PDK1: variants seen among roughly 807,000 people sequenced by gnomAD.
PDK1 encodes the protein pyruvate dehydrogenase kinase 1.
PDK1 carries 39 observed loss-of-function variants against 54.2 expected under a neutral mutation model. That is an observed-to-expected ratio of 0.72 (90% CI 0.56 to 0.94). The LOEUF (loss-of-function observed/expected upper bound fraction) is 0.94, where lower values mean the gene tolerates loss of function less well. Ranked by LOEUF, PDK1 falls within the 40% of genes least tolerant of loss-of-function variation. The probability of loss-of-function intolerance (pLI) is 0.00; values close to 1 mark genes in which losing one functional copy is unlikely to be tolerated. For missense variants in PDK1, 552 were observed against 566.0 expected (o/e 0.98, Z 0.25); for synonymous variants, 221 against 207.1 (o/e 1.07, Z -0.58).
chr2:172,720,620 G>A, the PDK1 span, among the ~76,000 whole-genome samples: 1 of 152,036 alleles, frequency 6.6e-6, no homozygotes, highest in Non-Finnish European at 1.5e-5. Context: ...ATCTTCTATG[G>A]GACTTCCCTG....
At chr2:172,636,750 C>T in the PDK1 span, among the ~76,000 whole-genome samples, 1 of 150,044 alleles carries the variant, frequency 6.7e-6, no homozygotes, top group African/African-American at 2.4e-5. Context: ...AGAACTCATT[C>T]ATTACCATAA....
chr2:172,613,480 G>T (rs1217226674), downstream of PDK1, among the ~76,000 whole-genome samples: 2 of 151,646 alleles, frequency 1.3e-5, no homozygotes, highest in African/African-American at 2.4e-5. Context: ...TTTAAGAGAT[G>T]GAGTCTCACT....
the PDK1 span, among the ~76,000 whole-genome samples, chr2:172,681,459 T>C: frequency 6.6e-6 from 1 of 152,236 alleles, no homozygotes; most frequent in Non-Finnish European, 1.5e-5. Flanking sequence ...TTCCTAACCA[T>C]GAGATAGAAA....
rs1283758492 is a variant in PDK1 at position 172,607,978 on chromosome 2, T to C, written c.*12009T>C. 3 of 152,210 alleles carry C rather than the reference T, an allele frequency of 2.0e-5. No individual in the cohort carries two copies. Among genetic ancestry groups the C allele is most frequent in the African/African-American group, 7.2e-5 (3 of 41,450 alleles). The allele number at this position is 152,210 out of a possible 1,614,324, so 9.4% of individuals were successfully genotyped here. Reference sequence around the variant, plus strand: ...CTGTAGTTATCCAAGCAGTATCAGATAGTGTGCAGTTTTTGTAGTAAAAGG... The same window carrying C: ...CTGTAGTTATCCAAGCAGTATCAGACAGTGTGCAGTTTTTGTAGTAAAAGG... On this transcript the variant is annotated 3_prime_UTR_variant, in exon 11 of 11. Coordinates refer to ENST00000282077, the MANE Select transcript of PDK1 (RefSeq NM_002610.5).
intron 2 of PDK1, among the ~76,000 whole-genome samples, chr2:172,559,517 T>G (rs942679696): frequency 6.6e-6 from 1 of 152,154 alleles, no homozygotes; most frequent in African/African-American, 2.4e-5. Context: ...GTGGGTATGA[T>G]TCTCTCCATT....
At chr2:172,627,591 G>C in the PDK1 span, among the ~76,000 whole-genome samples, 1 of 152,256 alleles carries the variant, frequency 6.6e-6, no homozygotes, top group South Asian at 2.1e-4. Flanking sequence ...TCAGATGTGA[G>C]ATGGAGTAAG....
At chr2:172,656,938 A>C in the PDK1 span, among the ~76,000 whole-genome samples, 3 of 152,178 alleles carry the variant, frequency 2.0e-5, no homozygotes, top group Admixed American at 2.0e-4. Flanking sequence ...GGCTCTCCTA[A>C]GACTGGGTTC....
At chr2:172,694,312 C>T in the PDK1 span, among the ~76,000 whole-genome samples, 2 of 152,304 alleles carry the variant, frequency 1.3e-5, no homozygotes, top group East Asian at 3.9e-4. Context: ...TGTAGCCTTC[C>T]TTTTGTTTTT....
chr2:172,572,643 T>G (rs1689345560), intron 8 of PDK1, among the ~76,000 whole-genome samples: 1 of 152,144 alleles, frequency 6.6e-6, no homozygotes, highest in South Asian at 2.1e-4. Flanking sequence ...CGAGAATCGC[T>G]TGAACCCAGC....
At chr2:172,613,284 C>T (rs1398595721), downstream of PDK1, among the ~76,000 whole-genome samples, 1 of 152,188 alleles carries the variant, frequency 6.6e-6, no homozygotes, top group African/African-American at 2.4e-5. Context: ...AGCTGAAGCA[C>T]ACAGCCTGAA....
At chr2:172,613,791 C>G in the PDK1 span, among the ~76,000 whole-genome samples, 2 of 152,128 alleles carry the variant, frequency 1.3e-5, no homozygotes, top group African/African-American at 2.4e-5. Flanking sequence ...GAGCCCTTCT[C>G]CTTCTGAGTT....
rs1014776523 is a variant in PDK1, at chr2:172,595,186, C to T, written c.1171-643C>T. 4.6e-5 allele frequency among the ~76,000 whole-genome samples: 7 copies of T among 152,284 alleles called. No homozygotes were observed. In the East Asian group the frequency reaches 1.4e-3, roughly 29 times the overall value. On this transcript the variant is annotated intron_variant, in intron 10 of 10. Transcript: ENST00000282077. ...TGGGCTTCAAGTGATCCTCCTCTCT[C>T]AGTCTCCCAAGTAGTTAGGACTACA...
At chr2:172,652,684 C>G in the PDK1 span, among the ~76,000 whole-genome samples, 1 of 152,132 alleles carries the variant, frequency 6.6e-6, no homozygotes, top group Non-Finnish European at 1.5e-5. Flanking sequence ...AACAGACAAA[C>G]AGAGAGCCAA....
At chr2:172,576,787 A>G (rs1202711383) in intron 8 of PDK1, among the ~76,000 whole-genome samples, 1 of 151,884 alleles carries the variant, frequency 6.6e-6, no homozygotes, top group African/African-American at 2.4e-5. Context: ...TGTTCTCTTA[A>G]TCATTTAAAT....
chr2:172,658,260 C>T, the PDK1 span, among the ~76,000 whole-genome samples: 1 of 152,160 alleles, frequency 6.6e-6, no homozygotes, highest in Non-Finnish European at 1.5e-5. Flanking sequence ...TGGCTGGAGC[C>T]ACAGCAGAGG....
At chr2:172,644,804 A>G in the PDK1 span, among the ~76,000 whole-genome samples, 1 of 152,190 alleles carries the variant, frequency 6.6e-6, no homozygotes, top group African/African-American at 2.4e-5. Flanking sequence ...TACTTATTAC[A>G]CATAAGGAGT....
chr2:172,567,137 C>CA (rs781777832), intron 6 of PDK1, among the ~76,000 whole-genome samples: 1 of 152,108 alleles, frequency 6.6e-6, no homozygotes, highest in Non-Finnish European at 1.5e-5. Flanking sequence ...CTTTTTGTAT[C>CA]ACATTTTCTT....
chr2:172,657,455 A>T, the PDK1 span, among the ~76,000 whole-genome samples: 1,998 of 42,216 alleles, frequency 0.047, no homozygotes, highest in Middle Eastern at 0.14. Context: ...AATGATGCTT[A>T]TATTTTTTAA....
At chr2:172,628,546 G>T in the PDK1 span, among the ~76,000 whole-genome samples, 1 of 152,016 alleles carries the variant, frequency 6.6e-6, no homozygotes, top group Non-Finnish European at 1.5e-5. Context: ...TAATGTGTTT[G>T]ATATATGGCC....
Sources: allele counts gnomAD v4.1 joint callset (sites outside exome capture counted in the v4.1 genomes callset), GRCh38; gene constraint gnomAD v4.1.1; transcripts MANE v1.5; gene names NCBI Gene and HGNC (gene_info 2026-07-23, HGNC 2026-07-21).